The following RBFOX1 variants were observed in gnomAD, a reference collection of about 807,000 sequenced individuals.
RBFOX1 encodes the protein RNA binding fox-1 homolog 1.
RBFOX1 carries 8 observed loss-of-function variants against 57.7 expected under a neutral mutation model. That is an observed-to-expected ratio of 0.14 (90% CI 0.08 to 0.25). The LOEUF is 0.25. Ranked by LOEUF, RBFOX1 falls within the 10% of genes least tolerant of loss-of-function variation. The probability of loss-of-function intolerance (pLI) is 1.00; values close to 1 mark genes in which losing one functional copy is unlikely to be tolerated. For missense variants in RBFOX1, 611 were observed against 548.5 expected (o/e 1.11, Z -1.14); for synonymous variants, 326 against 222.4 (o/e 1.47, Z -4.15).
At chr16:5,954,533 A>C (rs1316161634) in intron 4 of RBFOX1, among the ~76,000 whole-genome samples, 1 of 152,098 alleles carries the variant, frequency 6.6e-6, no homozygotes, top group Non-Finnish European at 1.5e-5. Flanking sequence ...TCCATTATTA[A>C]AAGTGTTCTT....
chr16:7,552,479 T>A lies in RBFOX1; in HGVS notation c.271-27298T>A, dbSNP rs193066219. 2.1e-4 allele frequency among the ~76,000 whole-genome samples: 32 copies of A among 152,302 alleles called. No homozygotes were observed. In the East Asian group the frequency reaches 5.2e-3, roughly 25 times the overall value. ...AGAGAAGTTGCAGAGTTGAGTCTAA[T>A]GGAACGGCCTGAATGACCACTGGGT... On this transcript the variant is annotated intron_variant, in intron 5 of 15. Coordinates refer to ENST00000550418, the MANE Select transcript of RBFOX1 (RefSeq NM_018723.4).
chr16:6,866,547 T>A (rs2059953718), intron 3 of RBFOX1, among the ~76,000 whole-genome samples: 1 of 123,572 alleles, frequency 8.1e-6, no homozygotes, highest in African/African-American at 3.2e-5. Flanking sequence ...TTCTATTTTT[T>A]TTTTTTTTTT....
intron 2 of RBFOX1, among the ~76,000 whole-genome samples, chr16:5,474,515 G>T (rs1213397209): frequency 6.6e-6 from 1 of 152,124 alleles, no homozygotes; most frequent in Non-Finnish European, 1.5e-5. Context: ...CTAGCCAAGT[G>T]TGGTGGTGGG....
rs571192711 is a variant in RBFOX1, at chr16:5,473,005, C to T, written c.258+5751C>T. Among the ~76,000 whole-genome samples the T allele has an allele frequency of 4.6e-5, 7 of 152,274 alleles. No homozygotes were observed. In the East Asian group the frequency reaches 9.7e-4, roughly 21 times the overall value. The stretch of plus-strand genomic sequence containing the variant: ...ACTGACACCAGCTGGCTCCAGTCAC[C>T]TTTCTGACATTGCCTCTGCCCCTGC... On this transcript the variant is annotated intron_variant, in intron 2 of 2. Transcript: ENST00000585867.
intron 2 of RBFOX1, among the ~76,000 whole-genome samples, chr16:5,512,485 G>C (rs1046919937): frequency 6.6e-6 from 1 of 151,598 alleles, no homozygotes; most frequent in Non-Finnish European, 1.5e-5. Flanking sequence ...GTGGAGGTGA[G>C]CTATAGGGTG....
chr16:7,187,293 C>T (rs2084093913), intron 4 of RBFOX1, among the ~76,000 whole-genome samples: 1 of 152,004 alleles, frequency 6.6e-6, no homozygotes, highest in African/African-American at 2.4e-5. Flanking sequence ...GTAATTTTTT[C>T]TTAAAGTGCA....
intron 4 of RBFOX1, among the ~76,000 whole-genome samples, chr16:7,108,979 T>A (rs988023079): frequency 2.6e-5 from 4 of 152,016 alleles, no homozygotes; most frequent in African/African-American, 9.7e-5. Flanking sequence ...TAACGTTATG[T>A]GTGGTAGGTT....
chr16:6,367,832 C>T (rs1308793015), intron 2 of RBFOX1, among the ~76,000 whole-genome samples: 1 of 151,902 alleles, frequency 6.6e-6, no homozygotes, highest in African/African-American at 2.4e-5. Context: ...CTGTTCCAAC[C>T]ACAAACCATC....
intron 3 of RBFOX1, among the ~76,000 whole-genome samples, chr16:6,823,031 A>C (rs1168377373): frequency 1.3e-5 from 2 of 152,080 alleles, no homozygotes; most frequent in Non-Finnish European, 2.9e-5. Flanking sequence ...CATTATTCTG[A>C]TGTCATGTTT....
intron 3 of RBFOX1, among the ~76,000 whole-genome samples, chr16:5,704,655 A>C (rs532782209): frequency 2.6e-5 from 4 of 152,136 alleles, no homozygotes; most frequent in Non-Finnish European, 5.9e-5. Context: ...GAAGTAGCCA[A>C]CTACTTGGGT....
intron 4 of RBFOX1, among the ~76,000 whole-genome samples, chr16:5,908,137 C>CATATATACACATATATACACAT (rs1567133617): frequency 3.1e-5 from 4 of 131,062 alleles, no homozygotes; most frequent in South Asian, 2.1e-4. Context: ...TATATATACA[C>CATATATACACATATATACACAT]ATATATACAC....
intron 4 of RBFOX1, among the ~76,000 whole-genome samples, chr16:5,912,906 C>T (rs1048520484): frequency 9.9e-5 from 15 of 152,124 alleles, no homozygotes; most frequent in Admixed American, 4.6e-4. Context: ...TTCTGGCCTC[C>T]AGACCCAAGA....
chr16:5,630,715 G>A (rs527595226), intron 3 of RBFOX1, among the ~76,000 whole-genome samples: 240 of 152,154 alleles, frequency 1.6e-3, no homozygotes, highest in Non-Finnish European at 2.6e-3. Flanking sequence ...TGATGGACGT[G>A]GGCTTGTCAT....
intron 4 of RBFOX1, among the ~76,000 whole-genome samples, chr16:7,270,009 G>A (rs538951698): frequency 3.3e-5 from 5 of 152,070 alleles, no homozygotes; most frequent in South Asian, 2.1e-4. Flanking sequence ...TGTCTGTTTC[G>A]TAATGCCAAG....
At chr16:7,197,762 C>G (rs114526902) in intron 4 of RBFOX1, among the ~76,000 whole-genome samples, 1 of 152,174 alleles carries the variant, frequency 6.6e-6, no homozygotes, top group African/African-American at 2.4e-5. Flanking sequence ...AAGTGGAGTA[C>G]TGATACATGC....
At chr16:6,571,615 C>T (rs917948410) in intron 2 of RBFOX1, among the ~76,000 whole-genome samples, 6 of 152,084 alleles carry the variant, frequency 3.9e-5, no homozygotes, top group Admixed American at 3.9e-4. Context: ...GAATCCTTAC[C>T]TGTAATCAGC....
At chr16:6,149,388 G>T (rs188449007) in intron 1 of RBFOX1, among the ~76,000 whole-genome samples, 55 of 152,326 alleles carry the variant, frequency 3.6e-4, no homozygotes, top group Non-Finnish European at 4.7e-4. Flanking sequence ...TTGCTAGGAG[G>T]ATTCATTGCA....
intron 2 of RBFOX1, among the ~76,000 whole-genome samples, chr16:6,500,896 T>TTGTTTGTTTGTTTTTTTG (rs1555507186): frequency 7.0e-6 from 1 of 142,332 alleles, no homozygotes; most frequent in Non-Finnish European, 1.5e-5. Context: ...TTTTTTTTTT[T>TTGTTTGTTTGTTTTTTTG]TTTTTAATGC....
chr16:7,383,041 A>G (rs182467670), intron 4 of RBFOX1, among the ~76,000 whole-genome samples: 165 of 152,298 alleles, frequency 1.1e-3, no homozygotes, highest in African/African-American at 3.6e-3. Flanking sequence ...TAAAGAGTAG[A>G]GAATTTTCTT....
Sources: gnomAD v4.1 joint callset for allele counts (sites outside exome capture counted in the v4.1 genomes callset) on GRCh38, gnomAD v4.1.1 for gene constraint, MANE v1.5 for transcripts, NCBI Gene and HGNC (gene_info 2026-07-23, HGNC 2026-07-21) for gene names.